TTC28: variants seen among roughly 807,000 people sequenced by gnomAD.
TTC28 encodes the protein tetratricopeptide repeat protein 28.
TTC28 carries 61 observed loss-of-function variants against 198.0 expected under a neutral mutation model. The ratio of observed to expected loss-of-function variants is 0.31; its 90% confidence interval spans 0.25 to 0.38. The LOEUF is 0.38. TTC28 is among the 10% of genes least tolerant of loss of function. TTC28 has a pLI of 1.00. For missense variants in TTC28, 2,678 were observed against 3,164.0 expected (o/e 0.85, Z 3.69); for synonymous variants, 1,171 against 1,297.8 (o/e 0.90, Z 2.10).
intron 1 of TTC28, among the ~76,000 whole-genome samples, chr22:28,678,460 C>T (rs1333710354): frequency 6.6e-6 from 1 of 152,178 alleles, no homozygotes; most frequent in Admixed American, 6.5e-5. Context: ...CCTCAAGCCC[C>T]TGGGCTCAAG....
intron 2 of TTC28, among the ~76,000 whole-genome samples, chr22:28,563,992 C>A (rs2049931213): frequency 6.6e-6 from 1 of 152,088 alleles, no homozygotes; most frequent in Admixed American, 6.5e-5. Context: ...CTATAATGTA[C>A]ATGAACCTCC....
At chr22:28,509,802 A>G in intron 2 of TTC28, among the ~76,000 whole-genome samples, 1 of 151,920 alleles carries the variant, frequency 6.6e-6, no homozygotes, top group South Asian at 2.1e-4. Flanking sequence ...AATAAAAGAG[A>G]GAAGAATCAA....
At chr22:28,618,984 C>T (rs2050947530) in intron 2 of TTC28, among the ~76,000 whole-genome samples, 1 of 151,990 alleles carries the variant, frequency 6.6e-6, no homozygotes, top group Non-Finnish European at 1.5e-5. Flanking sequence ...TCTTCCTTTT[C>T]CCTCTGCAAC....
chr22:28,550,674 A>T (rs536640763), intron 2 of TTC28, among the ~76,000 whole-genome samples: 1 of 152,304 alleles, frequency 6.6e-6, no homozygotes, highest in South Asian at 2.1e-4. Context: ...TCTATTTTAC[A>T]GTATAATGAC....
intron 2 of TTC28, among the ~76,000 whole-genome samples, chr22:28,309,182 A>G (rs1185247741): frequency 6.6e-6 from 1 of 152,226 alleles, no homozygotes; most frequent in African/African-American, 2.4e-5. Context: ...TAATGGGAAA[A>G]GAATCTTAAT....
In TTC28 at chr22:27,981,226, G is replaced by A. The variant is rs62235640; in HGVS notation, c.*995C>T. 9.2e-6 allele frequency: 1 copy of A among 109,048 alleles called. No individual in the cohort carries two copies. Among genetic ancestry groups the A allele is most frequent in the Non-Finnish European group, 1.8e-5 (1 of 55,000 alleles). 6.8% of individuals were successfully genotyped at this position (109,048 alleles called of 1,614,324 possible). A position where few individuals can be genotyped will look rare whatever the true frequency, so the allele number is the denominator to read the frequency against. ...ATTCTGGTTAAATCTAGTTAGCCAT[G>A]GAAATTTTTTTTTTTTTTTTTTTTT... On this transcript the variant is annotated 3_prime_UTR_variant, in exon 23 of 23. Coordinates refer to ENST00000397906, the MANE Select transcript of TTC28 (RefSeq NM_001145418.2).
intron 6 of TTC28, among the ~76,000 whole-genome samples, chr22:28,129,973 G>C (rs1236465984): frequency 6.6e-6 from 1 of 152,074 alleles, no homozygotes; most frequent in Non-Finnish European, 1.5e-5. Context: ...CAAGACTGTA[G>C]GTGGTAAAGC....
chr22:28,544,182 C>T (rs2145940751), intron 2 of TTC28, among the ~76,000 whole-genome samples: 1 of 152,296 alleles, frequency 6.6e-6, no homozygotes, highest in Non-Finnish European at 1.5e-5. Context: ...CACACCACTG[C>T]ACTCCAGCCT....
At chr22:28,015,670 C>T (rs1435073106) in intron 13 of TTC28, among the ~76,000 whole-genome samples, 3 of 151,992 alleles carry the variant, frequency 2.0e-5, no homozygotes, top group African/African-American at 4.8e-5. Flanking sequence ...AAGCAATCCT[C>T]CCACCTTGGC....
chr22:28,304,271 C>G (rs148675165), intron 3 of TTC28, among the ~76,000 whole-genome samples: 2,640 of 148,586 alleles, frequency 0.018, 42 homozygotes, highest in Non-Finnish European at 0.024. Context: ...GGCGACAGAG[C>G]GAGACTCCAT....
chr22:28,451,309 C>T (rs1210964871), intron 2 of TTC28, among the ~76,000 whole-genome samples: 1 of 152,184 alleles, frequency 6.6e-6, no homozygotes, highest in Admixed American at 6.5e-5. Flanking sequence ...CTAGCCCAGA[C>T]TAAAGTGTAC....
intron 1 of TTC28, among the ~76,000 whole-genome samples, chr22:28,664,810 C>T (rs1274502248): frequency 3.9e-5 from 1 of 25,950 alleles, no homozygotes; most frequent in Non-Finnish European, 6.9e-5. Context: ...CACAAAGATA[C>T]TCCTCGAGAA....
chr22:28,486,099 T>C (rs747005933), intron 2 of TTC28, among the ~76,000 whole-genome samples: 4 of 152,010 alleles, frequency 2.6e-5, no homozygotes, highest in South Asian at 2.1e-4. Context: ...AAAAAGGGCA[T>C]TGGTACCTGT....
At chr22:28,349,409 A>G (rs1166332139) in intron 2 of TTC28, among the ~76,000 whole-genome samples, 1 of 152,216 alleles carries the variant, frequency 6.6e-6, no homozygotes, top group Non-Finnish European at 1.5e-5. Flanking sequence ...CTGATTTTCA[A>G]CCAAACAGAT....
chr22:28,487,676 T>C (rs2048329132), intron 2 of TTC28, among the ~76,000 whole-genome samples: 1 of 152,204 alleles, frequency 6.6e-6, no homozygotes. Flanking sequence ...ATATTCTTTT[T>C]TCATCCATTG....
chr22:28,170,489 CAAAAAAAAAAAAAA>C (rs1228884702), intron 5 of TTC28, among the ~76,000 whole-genome samples: 6 of 100,106 alleles, frequency 6.0e-5, no homozygotes, highest in African/African-American at 2.0e-4. Flanking sequence ...ACTCCGTCTC[CAAAAAAAAAAAAAA>C]GAAAAAAAGA....
rs148306183 is a variant in TTC28, at chr22:28,225,368, A to AAAGAAGAAGAAG, written c.934-61781_934-61770dup. On this transcript the variant is annotated intron_variant, in intron 5 of 22. Coordinates refer to ENST00000397906, the MANE Select transcript of TTC28 (RefSeq NM_001145418.2). ...AGAGATTCTGTTAAAAAAAAAAAGA[A>AAAGAAGAAGAAG]AAGAAGAAGAAGAAGAAGAAGAAGA... is the stretch of plus-strand genomic sequence containing the variant. Among the ~76,000 whole-genome samples the AAAGAAGAAGAAG allele has an allele frequency of 6.8e-3, 978 of 143,162 alleles. 5 individuals carry two copies. The highest frequency in any genetic ancestry group is 0.017 in the Admixed American group (242 of 14,200). The allele number at this position is 143,162 out of a possible 152,430, so 93.9% of individuals were successfully genotyped here.
At chr22:28,534,948 A>G (rs1349193246) in intron 2 of TTC28, among the ~76,000 whole-genome samples, 1 of 152,092 alleles carries the variant, frequency 6.6e-6, no homozygotes, top group Non-Finnish European at 1.5e-5. Context: ...GTATGAGGAG[A>G]TATACCTAAT....
At chr22:28,319,510 G>A (rs1219483366) in intron 2 of TTC28, among the ~76,000 whole-genome samples, 4 of 152,044 alleles carry the variant, frequency 2.6e-5, no homozygotes, top group Non-Finnish European at 5.9e-5. Flanking sequence ...ATCCTCTATA[G>A]ATTATAACAA....
Sources: gnomAD v4.1 joint callset for allele counts (sites outside exome capture counted in the v4.1 genomes callset) on GRCh38, gnomAD v4.1.1 for gene constraint, MANE v1.5 for transcripts, NCBI Gene and HGNC (gene_info 2026-07-23, HGNC 2026-07-21) for gene names.